The following CNTN1 variants were observed in gnomAD, a reference collection of about 807,000 sequenced individuals.
CNTN1 encodes contactin 1.
In CNTN1, 38 loss-of-function variants were observed where a neutral mutation model predicts 126.4. The ratio of observed to expected loss-of-function variants is 0.30; its 90% CI spans 0.23 to 0.39. The LOEUF (loss-of-function observed/expected upper bound fraction) is 0.39. Ranked by LOEUF, CNTN1 falls within the 10% of genes least tolerant of loss-of-function variation. The pLI, the probability that CNTN1 is intolerant of heterozygous loss-of-function variation, is 1.00. For missense variants in CNTN1, 1,009 were observed against 1,248.4 expected, an observed-to-expected ratio of 0.81 and a Z score of 2.89; for synonymous variants, 413 against 422.6, an observed-to-expected ratio of 0.98 and a Z score of 0.28.
At chr12:41,016,294 C>T (rs550340628) in intron 18 of CNTN1, among the ~76,000 whole-genome samples, 77 of 152,116 alleles carry the variant, frequency 5.1e-4, no homozygotes, top group African/African-American at 1.8e-3. Context: ...AGGTAGGGTG[C>T]GGGACATGGA....
intron 1 of CNTN1, among the ~76,000 whole-genome samples, chr12:40,734,839 C>T (rs541858095): frequency 6.6e-6 from 1 of 152,008 alleles, no homozygotes; most frequent in Non-Finnish European, 1.5e-5. Flanking sequence ...GTCAGGAAAC[C>T]TTGAAGGAAG....
intron 1 of CNTN1, among the ~76,000 whole-genome samples, chr12:40,785,369 G>A (rs372178520): frequency 3.9e-5 from 6 of 152,116 alleles, no homozygotes; most frequent in African/African-American, 1.2e-4. Flanking sequence ...GGCACGTCAC[G>A]TGGCAAGGAA....
At chr12:40,983,120 TCTGATATTAGTAATAGCCACTG>T (rs1333161514) in intron 16 of CNTN1, among the ~76,000 whole-genome samples, 1 of 152,164 alleles carries the variant, frequency 6.6e-6, no homozygotes, top group African/African-American at 2.4e-5. Context: ...ATAGGGTACT[TCTGATATTAGTAATAGCCACTG>T]CTGCTTTCTG....
chr12:40,808,427 A>G (rs1412169547), intron 1 of CNTN1, among the ~76,000 whole-genome samples: 2 of 152,198 alleles, frequency 1.3e-5, no homozygotes, highest in Non-Finnish European at 2.9e-5. Flanking sequence ...CGAACATCAT[A>G]TAATTGGGAA....
chr12:40,981,011 A>C lies in CNTN1; in HGVS notation c.1907A>C (p.Lys636Thr), dbSNP rs561403880. The C allele has an allele frequency of 3.4e-5, 55 of 1,613,726 alleles. No individual in the cohort carries two copies. The East Asian group carries it at 1.1e-3, about 33-fold the overall frequency. The change falls in exon 16 of 24, where the codon AAA becomes ACA. Residue 636 changes from lysine (K) to threonine (T), a missense_variant. Physicochemically the swap from Lys to Thr is moderately conservative, Grantham distance 78. Transcript: ENST00000551295. Reference sequence around the variant, plus strand: ...TCAGACAATCATAGTCCTATTTCTAAATACACTATCCAGACCAAGACTATT... The same window carrying C: ...TCAGACAATCATAGTCCTATTTCTACATACACTATCCAGACCAAGACTATT... ...RGSDNHSPIS[K>T]YTIQTKTILS...
chr12:41,071,181 G>A lies in CNTN1; in HGVS notation c.*1146G>A, dbSNP rs1349879537. ...ATACCAAATCAATATACTGCTAATG[G>A]TACTTTGAAGAGTATGCAAAACTGG... On this transcript the variant is annotated 3_prime_UTR_variant, in exon 24 of 24. Transcript: ENST00000551295. The A allele has an allele frequency of 6.6e-6, 1 of 151,980 alleles. No homozygotes were observed. The highest frequency in any genetic ancestry group is 1.5e-5 in the Non-Finnish European group (1 of 67,984). The allele number at this position is 151,980 out of a possible 1,614,324, so 9.4% of individuals were successfully genotyped here.
intron 23 of CNTN1, among the ~76,000 whole-genome samples, chr12:41,040,080 G>A (rs771382739): frequency 1.3e-5 from 2 of 152,008 alleles, no homozygotes; most frequent in African/African-American, 2.4e-5. Flanking sequence ...AGATGTGTTA[G>A]GAATCACACA....
At position 40,931,616 on chromosome 12, in the gene CNTN1, C is replaced by T. The variant is rs1473553107; in HGVS notation, c.703+1614C>T. ...TCTCCAAAACCTTCCTTTTATTTAG[C>T]TTATTTAGCAATACAGTTTCATTTC... On this transcript the variant is annotated intron_variant, in intron 7 of 23. Coordinates refer to ENST00000551295, the MANE Select transcript of CNTN1 (RefSeq NM_001843.4). Among the ~76,000 whole-genome samples the T allele has an allele frequency of 2.6e-5, 4 of 152,060 alleles. No homozygotes were observed. The East Asian group carries it at 7.7e-4, about 29-fold the overall frequency.
At chr12:40,719,950 G>A (rs925423557) in intron 1 of CNTN1, among the ~76,000 whole-genome samples, 17 of 151,164 alleles carry the variant, frequency 1.1e-4, no homozygotes, top group African/African-American at 3.9e-4. Flanking sequence ...CAATTCTCCT[G>A]TCTCAGCCTT....
chr12:41,067,493 T>C (rs1318726478), intron 23 of CNTN1, among the ~76,000 whole-genome samples: 1 of 151,892 alleles, frequency 6.6e-6, no homozygotes, highest in Non-Finnish European at 1.5e-5. Flanking sequence ...TTCAGAATGA[T>C]GATTTCCAAT....
chr12:41,067,353 G>C, intron 23 of CNTN1, among the ~76,000 whole-genome samples: 2 of 152,036 alleles, frequency 1.3e-5, no homozygotes. Context: ...CTTTCGAGCA[G>C]CCACAGTTTG....
chr12:40,794,384 G>A (rs1215210747), intron 1 of CNTN1, among the ~76,000 whole-genome samples: 2 of 151,694 alleles, frequency 1.3e-5, no homozygotes, highest in African/African-American at 4.8e-5. Context: ...TGGCTGAATT[G>A]CCCAAGTTCC....
chr12:41,028,834 C>T (rs1195835742), intron 22 of CNTN1, among the ~76,000 whole-genome samples: 1 of 152,092 alleles, frequency 6.6e-6, no homozygotes, highest in East Asian at 1.9e-4. Context: ...AATTCAGATG[C>T]TTAAGTCACA....
intron 1 of CNTN1, among the ~76,000 whole-genome samples, chr12:40,883,647 T>C (rs1413946316): frequency 6.6e-6 from 1 of 151,534 alleles, no homozygotes; most frequent in Non-Finnish European, 1.5e-5. Flanking sequence ...AGAGCTGTCT[T>C]CCATCCTGTA....
At chr12:40,795,299 ACACACACACACACACACACATTTT>A (rs1565746389) in intron 1 of CNTN1, among the ~76,000 whole-genome samples, 2 of 113,874 alleles carry the variant, frequency 1.8e-5, no homozygotes, top group Non-Finnish European at 1.8e-5. Flanking sequence ...ACACACACAC[ACACACACACACACACACACATTTT>A]TTTTTTTTTT....
At chr12:40,947,581 T>G (rs1025649013) in intron 14 of CNTN1, among the ~76,000 whole-genome samples, 5 of 151,834 alleles carry the variant, frequency 3.3e-5, no homozygotes, top group South Asian at 2.1e-4. Context: ...TTTAAATATC[T>G]CATTTTATTC....
Position 40,954,355 on chromosome 12 carries a change from A to C in CNTN1, c.1684-4759A>C, listed in dbSNP as rs547385314. 2.8e-4 allele frequency among the ~76,000 whole-genome samples: 42 copies of C among 152,094 alleles called. 1 individual carries two copies. The South Asian group carries it at 8.5e-3, about 31-fold the overall frequency. On this transcript the variant is annotated intron_variant, in intron 14 of 23. Transcript: ENST00000551295. ...TGTAATGTTTATTTTATTTTACAAT[A>C]ATTATTTTATATTTTATTTTTCCTC...
At chr12:41,009,493 C>A (rs779598276) in intron 17 of CNTN1, among the ~76,000 whole-genome samples, 1 of 152,166 alleles carries the variant, frequency 6.6e-6, no homozygotes, top group Non-Finnish European at 1.5e-5. Context: ...AGCTGGTCCA[C>A]AGACCTGTGT....
chr12:40,778,127 G>A (rs1939658319), intron 1 of CNTN1, among the ~76,000 whole-genome samples: 1 of 151,772 alleles, frequency 6.6e-6, no homozygotes, highest in African/African-American at 2.4e-5. Flanking sequence ...AATAACTCAG[G>A]ATGTAGCCTG....
Sources: allele counts gnomAD v4.1 joint callset (sites outside exome capture counted in the v4.1 genomes callset), GRCh38; gene constraint gnomAD v4.1.1; transcripts MANE v1.5; gene names NCBI Gene and HGNC (gene_info 2026-07-23, HGNC 2026-07-21).